PRR5L: variants seen among roughly 807,000 people sequenced by gnomAD.
PRR5L encodes proline rich 5 like, also known as proline-rich protein 5-like.
In PRR5L, 21 loss-of-function variants were observed where a neutral mutation model predicts 36.4. That is an observed-to-expected ratio of 0.58 (90% CI 0.41 to 0.83). PRR5L has a LOEUF of 0.83. Ranked by LOEUF, PRR5L falls within the 40% of genes least tolerant of loss-of-function variation. The pLI is 0.00. For synonymous variants in PRR5L, 188 were observed against 197.0 expected, an observed-to-expected ratio of 0.95 and a Z score of 0.38; for missense variants, 381 against 473.3, an observed-to-expected ratio of 0.80 and a Z score of 1.81.
chr11:36,399,944 A>T lies in PRR5L; in HGVS notation c.-125-1053A>T, dbSNP rs573268979. On this transcript the variant is annotated intron_variant, in intron 1 of 8. Transcript: ENST00000530639. ...ATCTCTCCAGTCCTGGAAAGTGGGC[A>T]TTAGTAACAGCTGAGGACTTCAGAC... Among the ~76,000 whole-genome samples, 5 of 152,390 alleles carry T rather than the reference A, an allele frequency of 3.3e-5. No individual in the cohort carries two copies. In the South Asian group the frequency reaches 1.0e-3, roughly 32 times the overall value.
intron 1 of PRR5L, among the ~76,000 whole-genome samples, chr11:36,319,246 G>T (rs971970502): frequency 6.6e-6 from 1 of 152,236 alleles, no homozygotes; most frequent in Non-Finnish European, 1.5e-5. Context: ...TTATTTGCTG[G>T]TGGACAGGAT....
intron 8 of PRR5L, among the ~76,000 whole-genome samples, chr11:36,455,841 G>A (rs1333364796): frequency 1.3e-5 from 2 of 152,212 alleles, no homozygotes; most frequent in Admixed American, 6.5e-5. Context: ...CTGAGGCTTG[G>A]CTCTGGAGTC....
chr11:36,312,616 G>C (rs1856514988), intron 1 of PRR5L, among the ~76,000 whole-genome samples: 1 of 152,168 alleles, frequency 6.6e-6, no homozygotes, highest in Non-Finnish European at 1.5e-5. Flanking sequence ...TTCAAGTCCT[G>C]GCTCTGCCAC....
At chr11:36,391,322 C>T (rs1434746650) in intron 1 of PRR5L, among the ~76,000 whole-genome samples, 1 of 152,202 alleles carries the variant, frequency 6.6e-6, no homozygotes, top group Non-Finnish European at 1.5e-5. Flanking sequence ...TACCCACTGC[C>T]CCAGCAGGCA....
rs993082866 is a variant in PRR5L, at chr11:36,344,015, G to A, written c.-126+47577G>A. On this transcript the variant is annotated intron_variant, in intron 1 of 8. Transcript: ENST00000530639. This position sits in a 1 kb window ranked among gnomAD's most constrained non-coding sequence, Gnocchi z 4.1. The stretch of plus-strand genomic sequence containing the variant: ...GTGGATCACCTGAAGTCAGGAGTTC[G>A]GGACCAGCCTGGCCAACATGGAGAA... 2.0e-5 allele frequency among the ~76,000 whole-genome samples: 3 copies of A among 151,826 alleles called. No individual in the cohort carries two copies. The highest frequency in any genetic ancestry group is 2.9e-5 in the Non-Finnish European group (2 of 67,972).
intron 3 of PRR5L, among the ~76,000 whole-genome samples, chr11:36,411,334 G>A (rs1858021694): frequency 1.3e-5 from 2 of 152,182 alleles, no homozygotes; most frequent in Non-Finnish European, 1.5e-5. Context: ...GAGTTGACAA[G>A]ACGGTGAGGC....
At chr11:36,323,464 T>G (rs1044242366) in intron 1 of PRR5L, 4 of 152,240 alleles carry the variant, frequency 2.6e-5, no homozygotes, top group African/African-American at 4.8e-5. Flanking sequence ...GTAGCCAGGC[T>G]GGGCTGAAGC....
intron 1 of PRR5L, among the ~76,000 whole-genome samples, chr11:36,345,286 G>A (rs577731960): frequency 9.9e-5 from 15 of 152,280 alleles, no homozygotes; most frequent in Admixed American, 9.8e-4. Context: ...GATGATGGGA[G>A]GAAGGGAAGT....
chr11:36,455,749 C>T (rs910650012), intron 8 of PRR5L, among the ~76,000 whole-genome samples: 3 of 152,170 alleles, frequency 2.0e-5, no homozygotes, highest in Admixed American at 6.5e-5. Flanking sequence ...CTGCCAGCCC[C>T]GGGCCTGGCG....
At chr11:36,350,643 G>A (rs1429858656) in intron 1 of PRR5L, among the ~76,000 whole-genome samples, 2 of 151,600 alleles carry the variant, frequency 1.3e-5, no homozygotes, top group African/African-American at 2.4e-5. Flanking sequence ...CGTCACGCGA[G>A]CAGTGTACAC....
intron 2 of PRR5L, among the ~76,000 whole-genome samples, chr11:36,402,526 A>G (rs1857819368): frequency 2.0e-5 from 3 of 152,256 alleles, no homozygotes; most frequent in Admixed American, 1.3e-4. Flanking sequence ...TACAGGCGTG[A>G]GCCACTGTGC....
intron 3 of PRR5L, among the ~76,000 whole-genome samples, chr11:36,408,699 A>AACAAGAGCAGCTAAGCTGAC (rs1857962183): frequency 6.6e-6 from 1 of 152,178 alleles, no homozygotes; most frequent in East Asian, 1.9e-4. Flanking sequence ...CCCTTCCAAG[A>AACAAGAGCAGCTAAGCTGAC]ACAAGAGCAG....
intron 1 of PRR5L, among the ~76,000 whole-genome samples, chr11:36,355,935 A>T (rs1857023055): frequency 1.3e-5 from 2 of 151,104 alleles, no homozygotes; most frequent in African/African-American, 4.9e-5. Context: ...TCTTTTTGAG[A>T]CAGGGTCTCA....
chr11:36,365,323 CAG>C (rs1857133334), intron 1 of PRR5L, among the ~76,000 whole-genome samples: 1 of 152,008 alleles, frequency 6.6e-6, no homozygotes, highest in Non-Finnish European at 1.5e-5. Flanking sequence ...AAGCCGAAAG[CAG>C]AGTCTACTGA....
intron 1 of PRR5L, among the ~76,000 whole-genome samples, chr11:36,298,748 G>T (rs1856341834): frequency 6.6e-6 from 1 of 152,186 alleles, no homozygotes; most frequent in Middle Eastern, 3.2e-3. Flanking sequence ...TTTTCTCCCA[G>T]TTCTGGAGGT....
At chr11:36,436,104 T>A (rs1013197555) in intron 5 of PRR5L, among the ~76,000 whole-genome samples, 7 of 152,260 alleles carry the variant, frequency 4.6e-5, no homozygotes. Context: ...TCTTTGGACC[T>A]CCTGGCTACT....
At chr11:36,402,792 C>T (rs1895839) in intron 2 of PRR5L, among the ~76,000 whole-genome samples, 3 of 151,926 alleles carry the variant, frequency 2.0e-5, no homozygotes, top group Admixed American at 1.3e-4. Flanking sequence ...ACACCTCACA[C>T]GAGTGGACAT....
At chr11:36,457,824 G>C (rs1248021084) in intron 8 of PRR5L, among the ~76,000 whole-genome samples, 1 of 152,146 alleles carries the variant, frequency 6.6e-6, no homozygotes, top group Admixed American at 6.5e-5. Flanking sequence ...GTAGGGTTCA[G>C]GTCCCCACAT....
chr11:36,326,312 C>G (rs999122150), intron 1 of PRR5L, among the ~76,000 whole-genome samples: 2 of 147,688 alleles, frequency 1.4e-5, no homozygotes, highest in Non-Finnish European at 3.0e-5. Context: ...TACACACACA[C>G]ACACACACAC....
Sources: gnomAD v4.1 joint callset for allele counts (sites outside exome capture counted in the v4.1 genomes callset) on GRCh38, gnomAD v4.1.1 for gene constraint, Gnocchi (gnomAD v3.1) non-coding constraint, MANE v1.5 for transcripts, NCBI Gene and HGNC (gene_info 2026-07-23, HGNC 2026-07-21) for gene names.